CEP350: variants seen among roughly 807,000 people sequenced by gnomAD.
CEP350 encodes centrosomal protein 350.
Under a neutral mutation model 331.8 loss-of-function variants are expected in CEP350, and 126 were observed. The ratio of observed to expected loss-of-function variants is 0.38; its 90% CI spans 0.33 to 0.44. CEP350 has a LOEUF of 0.44. Ranked by LOEUF, CEP350 falls within the 20% of genes least tolerant of loss-of-function variation. CEP350 has a pLI of 1.00. For missense variants in CEP350, 3,406 were observed against 3,634.6 expected, an observed-to-expected ratio of 0.94 and a Z score of 1.62; for synonymous variants, 1,200 against 1,259.5, an observed-to-expected ratio of 0.95 and a Z score of 1.00.
rs532002663 is a variant in CEP350, at chr1:179,994,456, CT to C, written c.396-2082del. 9.5e-3 allele frequency among the ~76,000 whole-genome samples: 1,298 copies of C among 135,928 alleles called. 3 individuals are homozygous for C. Among genetic ancestry groups the C allele is most frequent in the Middle Eastern group, 0.033 (9 of 274 alleles). The allele number at this position is 135,928 out of a possible 152,430, so 89.2% of individuals were successfully genotyped here. A position where few individuals can be genotyped will look rare whatever the true frequency, so the allele number is the denominator to read the frequency against. ...TTTTTCTTTTCTTTTTTCTTTCTTT[CT>C]TTTTTTTTTTTTTTGAGACAGTGTC... On this transcript the variant is annotated intron_variant, in intron 5 of 37. Transcript: ENST00000367607.
intron 22 of CEP350, among the ~76,000 whole-genome samples, chr1:180,049,399 A>G (rs1657335623): frequency 6.6e-6 from 1 of 152,354 alleles, no homozygotes; most frequent in South Asian, 2.1e-4. Flanking sequence ...TATCATGAAC[A>G]GTGACTTTAA....
chr1:179,970,647 C>T (rs1235099235), intron 1 of CEP350, among the ~76,000 whole-genome samples: 2 of 152,018 alleles, frequency 1.3e-5, no homozygotes, highest in Non-Finnish European at 2.9e-5. Context: ...TTTTTTTCAT[C>T]TTTTGTCCCT....
chr1:179,996,729 A>T lies in CEP350; in HGVS notation c.572A>T (p.Asp191Val). ...AGCTCCCAATCATCTGTCATCAATG[A>T]TACAGTTGTTAGGTTTTTAAATGAT... ...FESSQSSVINDTVVRFLNDRP... is the reference protein window; with the variant it reads ...FESSQSSVINVTVVRFLNDRP... The change falls in exon 6 of 38, where the codon GAT becomes GTT. Residue 191 changes from aspartate to valine, a missense_variant. Coordinates refer to ENST00000367607, the MANE Select transcript of CEP350 (RefSeq NM_014810.5). The T allele has an allele frequency of 6.2e-7, 1 of 1,613,600 alleles. No individual in the cohort carries two copies. Among genetic ancestry groups the T allele is most frequent in the African/African-American group, 1.3e-5 (1 of 75,054 alleles).
chr1:179,959,198 T>C (rs1650399217), intron 1 of CEP350, among the ~76,000 whole-genome samples: 1 of 152,258 alleles, frequency 6.6e-6, no homozygotes, highest in South Asian at 2.1e-4. Flanking sequence ...GGCTCACGCC[T>C]GTAATCCCAG....
rs151098271 is a variant in CEP350, at chr1:179,972,304, C to T, written c.-13-13865C>T. On this transcript the variant is annotated intron_variant, in intron 1 of 37. Coordinates refer to ENST00000367607, the MANE Select transcript of CEP350 (RefSeq NM_014810.5). Reference sequence around the variant, plus strand: ...AAGCAAAAAAGCTGAAGGTCAAATCCTCCTGAACTTCAAGGTTTAAAAGGC... The same window carrying T: ...AAGCAAAAAAGCTGAAGGTCAAATCTTCCTGAACTTCAAGGTTTAAAAGGC... Among the ~76,000 whole-genome samples the T allele has an allele frequency of 1.8e-4, 27 of 152,022 alleles. 1 individual carries two copies. The East Asian group carries it at 5.0e-3, about 28-fold the overall frequency.
chr1:180,059,977 T>C (rs563583935), intron 25 of CEP350, among the ~76,000 whole-genome samples: 18 of 148,812 alleles, frequency 1.2e-4, no homozygotes, highest in African/African-American at 4.4e-4. Context: ...CAGTGCACAA[T>C]GTTAAAAAAA....
At chr1:180,083,529 CAG>C (rs139617500) in intron 30 of CEP350, among the ~76,000 whole-genome samples, 11,069 of 152,174 alleles carry the variant, frequency 0.073, 476 homozygotes, top group Non-Finnish European at 0.092. Flanking sequence ...ATTAAGCCAT[CAG>C]GGAATGAATC....
At chr1:180,095,184 A>C (rs1660413807) in intron 34 of CEP350, 1 of 191,266 alleles carries the variant, frequency 5.2e-6, no homozygotes, top group Admixed American at 5.3e-5. Context: ...AACTTGAGCC[A>C]GATGGTCACC....
intron 12 of CEP350, among the ~76,000 whole-genome samples, chr1:180,022,219 T>A (rs1475044941): frequency 2.0e-5 from 3 of 152,214 alleles, no homozygotes; most frequent in Admixed American, 6.5e-5. Context: ...GTTATTTTGA[T>A]TTCTTTTGAT....
chr1:180,065,022 A>T, intron 26 of CEP350, 93 bp from the exon 27 acceptor site: 1 of 1,290,072 alleles, frequency 7.8e-7, no homozygotes, highest in Non-Finnish European at 1.0e-6. Context: ...TAAACATTGT[A>T]TTGTGGATAA....
At position 180,012,150 on chromosome 1, in the gene CEP350, C is replaced by G. The variant is rs1471257318; in HGVS notation, c.1393+75C>G. 3.8e-6 allele frequency: 5 copies of G among 1,312,294 alleles called. No homozygotes were observed. The East Asian group carries it at 1.3e-4, about 33-fold the overall frequency. 81.3% of individuals were successfully genotyped at this position (1,312,294 alleles called of 1,614,324 possible). On this transcript the variant is annotated intron_variant, in intron 9 of 37. Transcript: ENST00000367607. ...TAAGTACTTAGAGAAGGAAAAAGTA[C>G]TCTTAAGAATGTGTTAGGACTTTGC... is the stretch of plus-strand genomic sequence containing the variant.
At chr1:180,017,392 C>T (rs957853360) in intron 11 of CEP350, among the ~76,000 whole-genome samples, 5 of 152,300 alleles carry the variant, frequency 3.3e-5, no homozygotes, top group Non-Finnish European at 5.9e-5. Context: ...AGTGTCGTCT[C>T]TGGAGAGGAT....
At chr1:179,982,588 A>C (rs1652355623) in intron 1 of CEP350, among the ~76,000 whole-genome samples, 1 of 152,232 alleles carries the variant, frequency 6.6e-6, no homozygotes. Context: ...ACACATATGT[A>C]GTTTTTGATT....
At chr1:180,058,107 T>C (rs755489689) in intron 25 of CEP350, among the ~76,000 whole-genome samples, 6 of 152,174 alleles carry the variant, frequency 3.9e-5, no homozygotes, top group Non-Finnish European at 8.8e-5. Flanking sequence ...GACTCAGCAG[T>C]TCTGTCTTGG....
At chr1:180,100,560 C>T (rs1660747644) in intron 37 of CEP350, among the ~76,000 whole-genome samples, 1 of 152,154 alleles carries the variant, frequency 6.6e-6, no homozygotes, top group African/African-American at 2.4e-5. Flanking sequence ...CAATAGTAAG[C>T]AAAACAGACA....
In CEP350 at chr1:180,094,432, C is replaced by G. The variant is rs777586215; in HGVS notation, c.8327C>G (p.Thr2776Ser). 6.2e-7 allele frequency: 1 copy of G among 1,613,690 alleles called. No individual in the cohort carries two copies. The highest frequency in any genetic ancestry group is 8.5e-7 in the Non-Finnish European group (1 of 1,179,756). ...AATCAACTACAACAAATCAAAAAAA[C>G]CAGGGATGAGAAAATCCAGCTTAGC... ...TVNQLQQIKK[T>S]RDEKIQLSNQ... Residue 2776 changes from threonine to serine, a missense_variant, in exon 34 of 38, where the codon ACC (threonine) becomes AGC (serine). By Grantham distance (58) the Thr-to-Ser change is moderately conservative (BLOSUM62 1). Around this residue, in one of 5 missense-constraint regions of CEP350, gnomAD observed 1,415 missense variants for 1,512.3 expected, o/e 0.94. Transcript: ENST00000367607.
intron 11 of CEP350, 48 bp downstream of exon 11, chr1:180,016,018 T>C (rs759440654): frequency 1.2e-5 from 19 of 1,606,500 alleles, no homozygotes; most frequent in Non-Finnish European, 1.1e-5. Flanking sequence ...TCATGAAATT[T>C]AGCGGAGTGG....
At chr1:180,088,693 G>C (rs1049850925) in intron 32 of CEP350, among the ~76,000 whole-genome samples, 1 of 152,142 alleles carries the variant, frequency 6.6e-6, no homozygotes, top group Non-Finnish European at 1.5e-5. Flanking sequence ...GTTCTAGCTG[G>C]TTCTGTAACT....
chr1:180,064,449 T>A (rs979192587), intron 26 of CEP350, among the ~76,000 whole-genome samples: 2 of 151,848 alleles, frequency 1.3e-5, no homozygotes, highest in African/African-American at 4.8e-5. Context: ...TTTTTTTTTT[T>A]AAACAAAATA....
Sources: allele counts gnomAD v4.1 joint callset (sites outside exome capture counted in the v4.1 genomes callset), GRCh38; gene constraint gnomAD v4.1.1; regional missense constraint gnomAD v4.1.1; transcripts MANE v1.5; gene names NCBI Gene and HGNC (gene_info 2026-07-23, HGNC 2026-07-21).